AP3B1: variants seen among roughly 807,000 people sequenced by gnomAD.
AP3B1 encodes the protein adaptor related protein complex 3 subunit beta 1.
AP3B1 carries 61 observed loss-of-function variants against 132.5 expected under a neutral mutation model. The ratio of observed to expected loss-of-function variants is 0.46; its 90% CI spans 0.37 to 0.57. AP3B1 has a LOEUF of 0.57. Among genes scored for constraint, AP3B1 ranks in the 20% least tolerant of loss-of-function variants. The pLI is 0.00. For synonymous variants in AP3B1, 388 were observed against 438.3 expected, an observed-to-expected ratio of 0.89 and a Z score of 1.43; for missense variants, 1,120 against 1,289.4, an observed-to-expected ratio of 0.87 and a Z score of 2.01.
chr5:78,058,582 T>C (rs1049039808), intron 22 of AP3B1, among the ~76,000 whole-genome samples: 1 of 152,166 alleles, frequency 6.6e-6, no homozygotes, highest in African/African-American at 2.4e-5. Context: ...TTTCCTGACC[T>C]GAAGCATCAA....
At chr5:78,015,988 A>G (rs1172006890) in intron 25 of AP3B1, 1 of 201,370 alleles carries the variant, frequency 5.0e-6, no homozygotes, top group Admixed American at 5.6e-5. Context: ...AGAACACATC[A>G]AAGTAATTCC....
intron 22 of AP3B1, among the ~76,000 whole-genome samples, chr5:78,082,820 C>A (rs252756): frequency 1.3e-5 from 2 of 151,546 alleles, no homozygotes; most frequent in Non-Finnish European, 2.9e-5. Context: ...CCTTGGGAAC[C>A]CTTTTTTTTT....
At chr5:78,008,584 G>A (rs530985192) in intron 26 of AP3B1, among the ~76,000 whole-genome samples, 1 of 152,238 alleles carries the variant, frequency 6.6e-6, no homozygotes, top group Non-Finnish European at 1.5e-5. Flanking sequence ...ACCTGAGAAA[G>A]AACTGTTTTG....
intron 1 of AP3B1, among the ~76,000 whole-genome samples, chr5:78,271,718 C>G (rs1173632207): frequency 2.6e-5 from 4 of 152,166 alleles, no homozygotes; most frequent in Non-Finnish European, 5.9e-5. Context: ...CCTAAGGGGC[C>G]TGAGGAGTCC....
chr5:78,229,445 G>A (rs1746538066), intron 3 of AP3B1, among the ~76,000 whole-genome samples: 1 of 151,964 alleles, frequency 6.6e-6, no homozygotes. Flanking sequence ...TAAAAGTTAT[G>A]TACTCAGCCA....
intron 24 of AP3B1, among the ~76,000 whole-genome samples, chr5:78,021,633 C>G (rs1023925037): frequency 1.3e-5 from 2 of 152,044 alleles, no homozygotes; most frequent in Non-Finnish European, 2.9e-5. Flanking sequence ...AGGCATTGAT[C>G]GTTTATAATA....
At chr5:78,193,897 G>A (rs1326227558) in intron 7 of AP3B1, among the ~76,000 whole-genome samples, 1 of 151,034 alleles carries the variant, frequency 6.6e-6, no homozygotes, top group African/African-American at 2.4e-5. Flanking sequence ...TGGGACTACA[G>A]GCACCTGCCA....
chr5:78,169,494 C>A (rs563774300), intron 11 of AP3B1, among the ~76,000 whole-genome samples: 1 of 152,224 alleles, frequency 6.6e-6, no homozygotes, highest in Non-Finnish European at 1.5e-5. Context: ...GTGGCATGAT[C>A]AATGGCTCAC....
intron 16 of AP3B1, 102 bp downstream of exon 16, chr5:78,129,019 T>C (rs1561427354): frequency 1.0e-6 from 1 of 997,998 alleles, no homozygotes; most frequent in Non-Finnish European, 1.5e-6. Context: ...ATGCGAATCA[T>C]TTATATTTCC....
chr5:78,170,677 T>C (rs574270479), intron 11 of AP3B1, among the ~76,000 whole-genome samples: 2 of 152,344 alleles, frequency 1.3e-5, no homozygotes, highest in East Asian at 3.9e-4. Context: ...TCCCATTCTG[T>C]AGGTGGCCTG....
At chr5:78,166,046 G>A (rs947244282) in intron 11 of AP3B1, among the ~76,000 whole-genome samples, 1 of 151,060 alleles carries the variant, frequency 6.6e-6, no homozygotes, top group Non-Finnish European at 1.5e-5. Flanking sequence ...CTGGAACCCA[G>A]GAGGCAGAGG....
At chr5:78,148,769 C>G (rs1202591861) in intron 14 of AP3B1, among the ~76,000 whole-genome samples, 2 of 152,114 alleles carry the variant, frequency 1.3e-5, no homozygotes, top group Non-Finnish European at 2.9e-5. Context: ...ACCTCATAAT[C>G]ATGTGTAAAT....
At chr5:78,212,004 G>A (rs1041729283) in intron 7 of AP3B1, among the ~76,000 whole-genome samples, 3 of 152,238 alleles carry the variant, frequency 2.0e-5, no homozygotes, top group Non-Finnish European at 2.9e-5. Flanking sequence ...TACAGGCCAG[G>A]CATGGTGGCT....
chr5:78,163,054 T>TA, intron 12 of AP3B1, 103 bp from the exon 13 acceptor site: 2 of 1,113,090 alleles, frequency 1.8e-6, no homozygotes, highest in South Asian at 2.5e-5. Context: ...CCAGAATACA[T>TA]AAACTTCTCA....
chr5:78,080,080 C>G (rs974545770), intron 22 of AP3B1, among the ~76,000 whole-genome samples: 1 of 152,264 alleles, frequency 6.6e-6, no homozygotes, highest in Non-Finnish European at 1.5e-5. Flanking sequence ...GCGATCCTGG[C>G]TCTTGACAAT....
At chr5:78,071,410 G>T (rs574728055) in intron 22 of AP3B1, among the ~76,000 whole-genome samples, 2 of 152,210 alleles carry the variant, frequency 1.3e-5, no homozygotes, top group South Asian at 4.2e-4. Flanking sequence ...GCCTGTCAGG[G>T]GGCACGGGAG....
chr5:78,273,290 A>C (rs1013735523), intron 1 of AP3B1, among the ~76,000 whole-genome samples: 10 of 152,166 alleles, frequency 6.6e-5, no homozygotes, highest in African/African-American at 2.4e-4. Context: ...CTGTAATCCC[A>C]GCTGCTCAGA....
chr5:78,263,735 GA>G (rs888721082), intron 2 of AP3B1, among the ~76,000 whole-genome samples: 8 of 152,186 alleles, frequency 5.3e-5, no homozygotes, highest in Non-Finnish European at 1.0e-4. Context: ...ATCTTTCTCC[GA>G]ATAAATTGAG....
rs553469151 is a variant in AP3B1, at chr5:78,179,422, T to C, written c.943-1986A>G. Among the ~76,000 whole-genome samples, 5 of 152,316 alleles carry C rather than the reference T, an allele frequency of 3.3e-5. No individual in the cohort carries two copies. The South Asian group carries it at 1.0e-3, about 32-fold the overall frequency. On this transcript the variant is annotated intron_variant, in intron 8 of 26. Transcript: ENST00000255194. ...CCAAAAGGACTAAATGAGCCTCTTT[T>C]TCCTCGGTATTTAGAAATCCAACAG...
Sources: gnomAD v4.1 joint callset for allele counts (sites outside exome capture counted in the v4.1 genomes callset) on GRCh38, gnomAD v4.1.1 for gene constraint, MANE v1.5 for transcripts, NCBI Gene and HGNC (gene_info 2026-07-23, HGNC 2026-07-21) for gene names.